Variants in CNTN5 observed in about 807,000 individuals in gnomAD.
The protein encoded by CNTN5 is contactin 5.
In CNTN5, 77 loss-of-function variants were observed where a neutral mutation model predicts 129.1. The ratio of observed to expected loss-of-function variants is 0.60; its 90% CI spans 0.50 to 0.72. The LOEUF (loss-of-function observed/expected upper bound fraction) is 0.72. CNTN5 is among the 30% of genes least tolerant of loss of function. The pLI, the probability that CNTN5 is intolerant of heterozygous loss-of-function variation, is 0.00. For missense variants in CNTN5, 1,478 were observed against 1,328.8 expected (o/e 1.11, Z -1.75); for synonymous variants, 509 against 465.6 (o/e 1.09, Z -1.20).
intron 16 of CNTN5, among the ~76,000 whole-genome samples, chr11:100,246,405 T>G (rs765603977): frequency 6.6e-6 from 1 of 152,152 alleles, no homozygotes; most frequent in Non-Finnish European, 1.5e-5. Flanking sequence ...CTCTTTTCTT[T>G]AGATCATTTT....
At chr11:99,365,725 A>G (rs4333993) in intron 2 of CNTN5, among the ~76,000 whole-genome samples, 36,978 of 152,080 alleles carry the variant, frequency 0.24, 5,394 homozygotes, top group Non-Finnish European at 0.33. Context: ...GGTATTTCCA[A>G]TGCCTAGTTT....
chr11:99,205,688 G>A (rs890854355), intron 1 of CNTN5, among the ~76,000 whole-genome samples: 1 of 152,146 alleles, frequency 6.6e-6, no homozygotes, highest in Middle Eastern at 3.4e-3. Context: ...CCACGCAAAA[G>A]GGTAACTATG....
Position 99,296,186 on chromosome 11 carries a change from A to T in CNTN5, c.-209-29160A>T, listed in dbSNP as rs369884144. ...TTGGGAAAAGTTGTTCACATCAAGG[A>T]TGTCATCTTTTTCTGGGGAGAAGCT... On this transcript the variant is annotated intron_variant, in intron 1 of 24. Coordinates refer to ENST00000524871, the MANE Select transcript of CNTN5 (RefSeq NM_014361.4). Among the ~76,000 whole-genome samples the T allele has an allele frequency of 2.8e-4, 42 of 152,300 alleles. No individual in the cohort carries two copies. In the South Asian group the frequency reaches 8.7e-3, roughly 32 times the overall value.
intron 3 of CNTN5, among the ~76,000 whole-genome samples, chr11:99,727,150 C>CA (rs1943370310): frequency 2.0e-5 from 3 of 147,790 alleles, no homozygotes; most frequent in Middle Eastern, 3.4e-3. Flanking sequence ...ACTAAAAATA[C>CA]AAAAAATTAG....
At chr11:99,746,708 C>T (rs146061314) in intron 3 of CNTN5, among the ~76,000 whole-genome samples, 5 of 152,320 alleles carry the variant, frequency 3.3e-5, no homozygotes, top group South Asian at 2.1e-4. Context: ...CACTGCCCTA[C>T]GCCCTCTTCT....
At chr11:99,106,405 A>G (rs1866997040) in intron 1 of CNTN5, among the ~76,000 whole-genome samples, 1 of 152,058 alleles carries the variant, frequency 6.6e-6, no homozygotes, top group South Asian at 2.1e-4. Context: ...GTATTATAAA[A>G]ATTATGAATA....
At chr11:99,382,728 GT>G (rs1940647044) in intron 2 of CNTN5, among the ~76,000 whole-genome samples, 1 of 148,940 alleles carries the variant, frequency 6.7e-6, no homozygotes, top group Admixed American at 6.7e-5. Flanking sequence ...GTCCTTTAAT[GT>G]TTTCTTATGG....
chr11:100,349,539 T>A (rs1952358410), intron 23 of CNTN5, among the ~76,000 whole-genome samples: 1 of 151,884 alleles, frequency 6.6e-6, no homozygotes, highest in Non-Finnish European at 1.5e-5. Flanking sequence ...TAGAATAAAT[T>A]GAAGTTTACA....
chr11:99,655,744 CAT>C (rs1304941344), intron 3 of CNTN5, among the ~76,000 whole-genome samples: 2 of 152,048 alleles, frequency 1.3e-5, no homozygotes, highest in Non-Finnish European at 2.9e-5. Flanking sequence ...TATACACACA[CAT>C]AGATGTATAT....
At chr11:99,410,902 C>T (rs1439635450) in intron 2 of CNTN5, among the ~76,000 whole-genome samples, 2 of 152,156 alleles carry the variant, frequency 1.3e-5, no homozygotes, top group Non-Finnish European at 2.9e-5. Flanking sequence ...TGTGCACTCT[C>T]CTTTAACAAC....
intron 2 of CNTN5, among the ~76,000 whole-genome samples, chr11:99,401,703 C>G (rs1299005520): frequency 6.6e-6 from 1 of 152,048 alleles, no homozygotes; most frequent in Non-Finnish European, 1.5e-5. Context: ...TTGATTCTTC[C>G]AATCCGTGAA....
chr11:99,332,354 A>G (rs984052610), intron 2 of CNTN5, among the ~76,000 whole-genome samples: 2 of 152,080 alleles, frequency 1.3e-5, no homozygotes, highest in African/African-American at 4.8e-5. Context: ...AACTGATAGT[A>G]TCAATATTTG....
chr11:99,631,771 C>T (rs1951362568), intron 3 of CNTN5, among the ~76,000 whole-genome samples: 1 of 151,936 alleles, frequency 6.6e-6, no homozygotes, highest in South Asian at 2.1e-4. Context: ...TATAAGATAA[C>T]AGCAAGTAAC....
intron 7 of CNTN5, among the ~76,000 whole-genome samples, chr11:99,923,579 G>A (rs375239058): frequency 5.9e-5 from 9 of 151,962 alleles, no homozygotes; most frequent in African/African-American, 2.2e-4. Flanking sequence ...ATTTACTTTG[G>A]GGTATATACC....
intron 9 of CNTN5, among the ~76,000 whole-genome samples, chr11:100,011,221 C>G (rs1365933680): frequency 1.3e-5 from 2 of 152,108 alleles, no homozygotes; most frequent in African/African-American, 2.4e-5. Flanking sequence ...TTTCATTTCA[C>G]CGTGTGACCT....
At chr11:100,338,655 G>A (rs1253527398) in intron 21 of CNTN5, among the ~76,000 whole-genome samples, 1 of 152,170 alleles carries the variant, frequency 6.6e-6, no homozygotes, top group African/African-American at 2.4e-5. Context: ...CTTTGTGGGA[G>A]GGAGCACATG....
chr11:99,477,784 TAA>T (rs371689469), intron 2 of CNTN5, among the ~76,000 whole-genome samples: 15 of 136,904 alleles, frequency 1.1e-4, no homozygotes, highest in Admixed American at 1.5e-4. Context: ...ACCCCATCTC[TAA>T]AAAAAAAAAA....
At chr11:99,789,136 CA>C in intron 3 of CNTN5, among the ~76,000 whole-genome samples, 1 of 151,850 alleles carries the variant, frequency 6.6e-6, no homozygotes, top group African/African-American at 2.4e-5. Context: ...AGTTGCATAT[CA>C]AACTGATTTT....
intron 1 of CNTN5, among the ~76,000 whole-genome samples, chr11:99,259,315 C>T (rs973348136): frequency 4.6e-5 from 7 of 151,646 alleles, no homozygotes; most frequent in Non-Finnish European, 1.0e-4. Flanking sequence ...AAATCCTATA[C>T]CCATATATGT....
Sources: gnomAD v4.1 joint callset for allele counts (sites outside exome capture counted in the v4.1 genomes callset) on GRCh38, gnomAD v4.1.1 for gene constraint, MANE v1.5 for transcripts, NCBI Gene and HGNC (gene_info 2026-07-23, HGNC 2026-07-21) for gene names.